The following ARHGAP15 variants were observed in gnomAD, a reference collection of about 807,000 sequenced individuals.
The protein encoded by ARHGAP15 is Rho GTPase activating protein 15, also known as rho GTPase-activating protein 15.
In ARHGAP15, 51 loss-of-function variants were observed where a neutral mutation model predicts 63.7. The observed-to-expected ratio is 0.80, with a 90% CI of 0.64 to 1.01. The LOEUF (loss-of-function observed/expected upper bound fraction) is 1.01, where lower values mean the gene tolerates loss of function less well. ARHGAP15 is among the 50% of genes least tolerant of loss of function. The pLI, the probability that ARHGAP15 is intolerant of heterozygous loss-of-function variation, is 0.00. For synonymous variants in ARHGAP15, 191 were observed against 193.8 expected, an observed-to-expected ratio of 0.99 and a Z score of 0.12; for missense variants, 560 against 564.6, an observed-to-expected ratio of 0.99 and a Z score of 0.08.
At chr2:143,171,844 T>C (rs1318518309) in intron 2 of ARHGAP15, 3 of 151,750 alleles carry the variant, frequency 2.0e-5, no homozygotes, top group African/African-American at 7.3e-5. Flanking sequence ...CTGTAGTGGG[T>C]TTTTTTCTCT....
intron 6 of ARHGAP15, among the ~76,000 whole-genome samples, chr2:143,381,236 G>A (rs1241974685): frequency 6.6e-6 from 1 of 152,078 alleles, no homozygotes; most frequent in Non-Finnish European, 1.5e-5. Context: ...ATTTTAAGGT[G>A]CACTTCAGAT....
chr2:143,163,851 A>G (rs1301364297), intron 2 of ARHGAP15, among the ~76,000 whole-genome samples: 3 of 151,986 alleles, frequency 2.0e-5, no homozygotes, highest in Non-Finnish European at 2.9e-5. Context: ...TAAAAATGAC[A>G]CCTTCGAAGG....
chr2:143,509,431 G>T (rs1693479759), intron 9 of ARHGAP15, among the ~76,000 whole-genome samples: 1 of 151,938 alleles, frequency 6.6e-6, no homozygotes, highest in Non-Finnish European at 1.5e-5. Flanking sequence ...TGATATCTAT[G>T]TAACATAAAG....
chr2:143,492,927 G>A (rs905259620), intron 9 of ARHGAP15, among the ~76,000 whole-genome samples: 1 of 151,902 alleles, frequency 6.6e-6, no homozygotes. Context: ...CCGTGGTGGC[G>A]GGCACCTGTA....
At chr2:143,755,136 A>G (rs1053890165) in intron 13 of ARHGAP15, among the ~76,000 whole-genome samples, 1 of 152,126 alleles carries the variant, frequency 6.6e-6, no homozygotes, top group Non-Finnish European at 1.5e-5. Flanking sequence ...CACTTCAAAG[A>G]TTGTTCAACC....
chr2:143,731,530 G>A (rs1393760952), intron 13 of ARHGAP15, among the ~76,000 whole-genome samples: 1 of 152,128 alleles, frequency 6.6e-6, no homozygotes, highest in African/African-American at 2.4e-5. Flanking sequence ...GTTCCTCTGT[G>A]CGCTCTCTGC....
At chr2:143,174,524 A>G (rs932012425) in intron 2 of ARHGAP15, among the ~76,000 whole-genome samples, 2 of 152,176 alleles carry the variant, frequency 1.3e-5, no homozygotes, top group East Asian at 3.9e-4. Context: ...TTTGCCAAGT[A>G]TGCTTAGCCC....
intron 6 of ARHGAP15, among the ~76,000 whole-genome samples, chr2:143,352,556 G>A (rs1271799587): frequency 6.6e-6 from 1 of 152,146 alleles, no homozygotes; most frequent in Non-Finnish European, 1.5e-5. Flanking sequence ...ATAAGTTTGA[G>A]GGAATTTGCA....
At chr2:143,523,388 T>A (rs1559026685) in intron 10 of ARHGAP15, among the ~76,000 whole-genome samples, 1 of 152,130 alleles carries the variant, frequency 6.6e-6, no homozygotes, top group Non-Finnish European at 1.5e-5. Context: ...TAAACACATA[T>A]TTATCTGGTT....
chr2:143,553,022 C>T (rs1261497383), intron 10 of ARHGAP15, among the ~76,000 whole-genome samples: 1 of 152,082 alleles, frequency 6.6e-6, no homozygotes, highest in African/African-American at 2.4e-5. Context: ...CCAAATCCAC[C>T]AATTTACATT....
chr2:143,753,459 A>C (rs1348653781), intron 13 of ARHGAP15, among the ~76,000 whole-genome samples: 1 of 152,214 alleles, frequency 6.6e-6, no homozygotes, highest in African/African-American at 2.4e-5. Flanking sequence ...AAATTCTTAG[A>C]ACAGGTGATC....
Position 143,400,674 on chromosome 2 carries a change from G to A in ARHGAP15, c.475-34927G>A, listed in dbSNP as rs149898831. On this transcript the variant is annotated intron_variant, in intron 6 of 13. Transcript: ENST00000295095. Reference sequence around the variant, plus strand: ...TTCAGTAATTACCTTTAGGAAATACGTTGACTGTGCTGTCTACCTTTAACT... The same window carrying A: ...TTCAGTAATTACCTTTAGGAAATACATTGACTGTGCTGTCTACCTTTAACT... Among the ~76,000 whole-genome samples the A allele has an allele frequency of 5.3e-3, 799 of 151,958 alleles. 4 individuals are homozygous for A. The highest frequency in any genetic ancestry group is 0.018 in the African/African-American group (758 of 41,454).
intron 11 of ARHGAP15, among the ~76,000 whole-genome samples, chr2:143,582,006 A>G (rs747107943): frequency 1.3e-5 from 2 of 152,206 alleles, no homozygotes; most frequent in Admixed American, 6.5e-5. Context: ...TCAAGTGTCT[A>G]TGATGTGAAG....
chr2:143,539,808 T>A (rs1020308525), intron 10 of ARHGAP15, among the ~76,000 whole-genome samples: 2 of 152,066 alleles, frequency 1.3e-5, no homozygotes, highest in African/African-American at 4.8e-5. Flanking sequence ...AACTATGTGG[T>A]CAATTTTGGA....
At chr2:143,321,686 A>G (rs1271031690) in intron 6 of ARHGAP15, among the ~76,000 whole-genome samples, 1 of 152,234 alleles carries the variant, frequency 6.6e-6, no homozygotes, top group African/African-American at 2.4e-5. Context: ...AGAGAGAGAC[A>G]TCTATTACAA....
At chr2:143,743,445 T>A (rs1276240691) in intron 13 of ARHGAP15, among the ~76,000 whole-genome samples, 1 of 152,106 alleles carries the variant, frequency 6.6e-6, no homozygotes. Flanking sequence ...ACTGATGGTG[T>A]TCTATTGACT....
At chr2:143,291,774 C>A (rs1302449688) in intron 6 of ARHGAP15, among the ~76,000 whole-genome samples, 1 of 152,108 alleles carries the variant, frequency 6.6e-6, no homozygotes, top group East Asian at 1.9e-4. Flanking sequence ...CCTTGCCCCT[C>A]TATATCTACC....
At chr2:143,353,797 A>G (rs7587606) in intron 6 of ARHGAP15, among the ~76,000 whole-genome samples, 116,838 of 152,104 alleles carry the variant, frequency 0.77, 45,695 homozygotes, top group East Asian at 0.98. Context: ...ATTATCCTGC[A>G]GTGTCTTAGG....
In ARHGAP15 at chr2:143,250,497, T is replaced by C; in HGVS notation, c.385-14T>C. On this transcript the variant is annotated splice_polypyrimidine_tract_variant and intron_variant, in intron 5 of 13. Coordinates refer to ENST00000295095, the MANE Select transcript of ARHGAP15 (RefSeq NM_018460.4). The stretch of plus-strand genomic sequence containing the variant: ...TTGCATCCTCTTATTCTTACTTCAT[T>C]TTTGTGATTACAGAAAACTGGGCAC... The C allele has an allele frequency of 6.2e-7, 1 of 1,609,040 alleles. No individual in the cohort carries two copies. Among genetic ancestry groups the C allele is most frequent in the Non-Finnish European group, 8.5e-7 (1 of 1,175,772 alleles).
Sources: allele counts gnomAD v4.1 joint callset (sites outside exome capture counted in the v4.1 genomes callset), GRCh38; gene constraint gnomAD v4.1.1; transcripts MANE v1.5; gene names NCBI Gene and HGNC (gene_info 2026-07-23, HGNC 2026-07-21).